NRP1: variants seen among roughly 807,000 people sequenced by gnomAD.
NRP1 encodes neuropilin 1.
A neutral mutation model predicts 106.7 loss-of-function variants in NRP1; 35 were observed. The ratio of observed to expected loss-of-function variants is 0.33; its 90% CI spans 0.25 to 0.43. NRP1 has a LOEUF of 0.43. NRP1 is among the 20% of genes least tolerant of loss of function. The pLI, the probability that NRP1 is intolerant of heterozygous loss-of-function variation, is 1.00. For synonymous variants in NRP1, 437 were observed against 417.9 expected, an observed-to-expected ratio of 1.05 and a Z score of -0.56; for missense variants, 1,024 against 1,170.4, an observed-to-expected ratio of 0.87 and a Z score of 1.83.
At chr10:33,243,798 C>T (rs917730705) in intron 6 of NRP1, among the ~76,000 whole-genome samples, 1 of 150,386 alleles carries the variant, frequency 6.6e-6, no homozygotes, top group Admixed American at 6.6e-5. Context: ...TATTTTATTA[C>T]TATTGGGATT....
intron 8 of NRP1, among the ~76,000 whole-genome samples, chr10:33,220,040 A>T (rs975413195): frequency 7.2e-5 from 11 of 152,176 alleles, no homozygotes; most frequent in Non-Finnish European, 7.4e-5. Context: ...TTCTCCACCC[A>T]ATTCCTGCCT....
intron 12 of NRP1, among the ~76,000 whole-genome samples, chr10:33,192,863 T>G (rs184512315): frequency 7.2e-5 from 11 of 152,336 alleles, no homozygotes; most frequent in Admixed American, 7.2e-4. Flanking sequence ...AAGTGGAAAG[T>G]AACTTGGCGA....
At chr10:33,224,923 C>A (rs979648371) in intron 7 of NRP1, among the ~76,000 whole-genome samples, 1 of 152,092 alleles carries the variant, frequency 6.6e-6, no homozygotes, top group African/African-American at 2.4e-5. Flanking sequence ...CTGGTAGGTG[C>A]CTCATTAGAG....
rs535436643 is a variant in NRP1 at position 33,326,728 on chromosome 10, G to A, written c.248+3980C>T. ...CTGGCATAGACACAGAATGTTGCATGTTAAAACTATGGAGGCACAACTTAC... is the reference window on the plus strand; with the variant it reads ...CTGGCATAGACACAGAATGTTGCATATTAAAACTATGGAGGCACAACTTAC... On this transcript the variant is annotated intron_variant, in intron 2 of 16. Transcript: ENST00000374867. Among the ~76,000 whole-genome samples the A allele has an allele frequency of 4.6e-5, 7 of 152,294 alleles. No homozygotes were observed. The South Asian group carries it at 1.5e-3, about 32-fold the overall frequency.
intron 3 of NRP1, among the ~76,000 whole-genome samples, chr10:33,268,858 G>A (rs770330860): frequency 5.0e-4 from 76 of 152,220 alleles, no homozygotes; most frequent in African/African-American, 1.7e-3. Context: ...TTATCTATAC[G>A]AAAGGTGTTC....
intron 2 of NRP1, among the ~76,000 whole-genome samples, chr10:33,294,658 A>G (rs1845253761): frequency 1.3e-5 from 2 of 152,000 alleles, no homozygotes; most frequent in South Asian, 4.2e-4. Context: ...TAACTGTGCT[A>G]AGAGAGCCAA....
At position 33,330,387 on chromosome 10, in the gene NRP1, C is replaced by A. The variant is rs187236003; in HGVS notation, c.248+321G>T. Among the ~76,000 whole-genome samples, 308 of 150,310 alleles carry A rather than the reference C, an allele frequency of 2.0e-3. 1 individual carries two copies. The highest frequency in any genetic ancestry group is 7.3e-3 in the African/African-American group (298 of 40,594). The stretch of plus-strand genomic sequence containing the variant: ...GATTTTTGAGTTTCTAGTTCTTCCC[C>A]TCTCCAGGAAAAAAAAAAAAAGAAA... On this transcript the variant is annotated intron_variant, in intron 2 of 16. Coordinates refer to ENST00000374867, the MANE Select transcript of NRP1 (RefSeq NM_003873.7).
intron 2 of NRP1, among the ~76,000 whole-genome samples, chr10:33,296,382 TC>T (rs1845386857): frequency 6.6e-6 from 1 of 152,198 alleles, no homozygotes; most frequent in Non-Finnish European, 1.5e-5. Context: ...GAAAAAGTAC[TC>T]TTTTCATCTT....
At position 33,207,636 on chromosome 10, in the gene NRP1, G is replaced by A; in HGVS notation, c.1695C>T (p.Tyr565=). 1 of 1,614,212 alleles carries A rather than the reference G, an allele frequency of 6.2e-7. No individual in the cohort carries two copies. Among genetic ancestry groups the A allele is most frequent in the Non-Finnish European group, 8.5e-7 (1 of 1,180,026 alleles). The change falls in exon 10 of 17, where the codon TAC becomes TAT. Residue 565 remains tyrosine, a synonymous_variant. Transcript: ENST00000374867. ...PALSTRFIRI[Y]PERATHGGLG... ...GTCCGCCATGAGTGGCTCTCTCGGGGTAGATCCTGATGAATCGCGTGGAGA... is the reference window on the plus strand; with the variant it reads ...GTCCGCCATGAGTGGCTCTCTCGGGATAGATCCTGATGAATCGCGTGGAGA...
At chr10:33,308,171 C>T (rs1846303166) in intron 2 of NRP1, among the ~76,000 whole-genome samples, 1 of 151,910 alleles carries the variant, frequency 6.6e-6, no homozygotes, top group Non-Finnish European at 1.5e-5. Context: ...ACATTGAATA[C>T]ATATGGGCGC....
chr10:33,305,663 G>T (rs1478568360), intron 2 of NRP1, among the ~76,000 whole-genome samples: 1 of 151,580 alleles, frequency 6.6e-6, no homozygotes, highest in African/African-American at 2.4e-5. Context: ...AACAGTACAT[G>T]GGTAAAATTC....
At chr10:33,223,804 A>T (rs1473329856) in intron 7 of NRP1, among the ~76,000 whole-genome samples, 1 of 152,164 alleles carries the variant, frequency 6.6e-6, no homozygotes, top group Non-Finnish European at 1.5e-5. Flanking sequence ...GGCAGCTGCC[A>T]GGGAAGGAGG....
chr10:33,188,419 C>T (rs1037725729), intron 13 of NRP1, among the ~76,000 whole-genome samples: 19 of 152,124 alleles, frequency 1.2e-4, no homozygotes, highest in Non-Finnish European at 2.6e-4. Flanking sequence ...CACAGAGACC[C>T]CCTCCTTCAT....
In NRP1 at chr10:33,223,001, C is replaced by T. The variant is rs1418451880; in HGVS notation, c.1138-1138G>A. 3.3e-5 allele frequency among the ~76,000 whole-genome samples: 5 copies of T among 152,178 alleles called. 1 individual carries two copies. The highest frequency in any genetic ancestry group is 1.3e-4 in the Admixed American group (2 of 15,278). On this transcript the variant is annotated intron_variant, in intron 7 of 16. Coordinates refer to ENST00000374867, the MANE Select transcript of NRP1 (RefSeq NM_003873.7). Reference sequence around the variant, plus strand: ...TACCATTACAGAATACTCTGCCTCCCTTTCCTGGATTTTAATTCTGCCTTG... The same window carrying T: ...TACCATTACAGAATACTCTGCCTCCTTTTCCTGGATTTTAATTCTGCCTTG...
intron 4 of NRP1, among the ~76,000 whole-genome samples, chr10:33,260,873 G>A (rs1198261448): frequency 6.6e-6 from 1 of 151,468 alleles, no homozygotes; most frequent in African/African-American, 2.4e-5. Context: ...AGCCTTCCAC[G>A]CCTTCTGGTT....
chr10:33,186,298 C>G lies in NRP1; in HGVS notation c.2253G>C (p.Leu751=). 11 of 1,614,124 alleles carry G rather than the reference C, an allele frequency of 6.8e-6. No individual in the cohort carries two copies. The highest frequency in any genetic ancestry group is 7.6e-6 in the Non-Finnish European group (9 of 1,180,022). The change falls in exon 14 of 17, where the codon CTG becomes CTC. Residue 751 remains leucine, a synonymous_variant. Coordinates refer to ENST00000374867, the MANE Select transcript of NRP1 (RefSeq NM_003873.7). ...RYQKPEEYDQ[L]VWMAIGHQGD... ...CTTGGTGTCCAATGGCCATCCAGAC[C>G]AGCTGATCGTACTCCTCTGGCTTCT... is the stretch of plus-strand genomic sequence containing the variant.
At chr10:33,193,413 C>T (rs1472837863) in intron 12 of NRP1, among the ~76,000 whole-genome samples, 3 of 152,320 alleles carry the variant, frequency 2.0e-5, no homozygotes, top group Non-Finnish European at 4.4e-5. Flanking sequence ...ATGAAATTCT[C>T]GGGCTTCTGC....
chr10:33,329,722 G>A (rs113851901), intron 2 of NRP1, among the ~76,000 whole-genome samples: 3,400 of 152,246 alleles, frequency 0.022, 42 homozygotes, highest in Non-Finnish European at 0.033. Flanking sequence ...AAACTTAAAA[G>A]ATGGATATTC....
intron 6 of NRP1, among the ~76,000 whole-genome samples, chr10:33,247,065 T>TA (rs1841482356): frequency 6.6e-6 from 1 of 152,230 alleles, no homozygotes; most frequent in South Asian, 2.1e-4. Context: ...GAAAATTGTA[T>TA]ATGAAACTTG....
Sources: gnomAD v4.1 joint callset for allele counts (sites outside exome capture counted in the v4.1 genomes callset) on GRCh38, gnomAD v4.1.1 for gene constraint, MANE v1.5 for transcripts, NCBI Gene and HGNC (gene_info 2026-07-23, HGNC 2026-07-21) for gene names.